The following ASCC3 variants were observed in gnomAD, a reference collection of about 807,000 sequenced individuals.
ASCC3 encodes the protein ASC-1 complex subunit P200.
In ASCC3, 158 loss-of-function variants were observed where a neutral mutation model predicts 256.3. The observed-to-expected ratio is 0.62, with a 90% CI of 0.54 to 0.70. The LOEUF (loss-of-function observed/expected upper bound fraction) is 0.70. Ranked by LOEUF, ASCC3 falls within the 30% of genes least tolerant of loss-of-function variation. The pLI is 0.00. For missense variants in ASCC3, 2,259 were observed against 2,626.0 expected (o/e 0.86, Z 3.05); for synonymous variants, 948 against 883.4 (o/e 1.07, Z -1.30).
chr6:100,557,727 G>C (rs1582444218), intron 36 of ASCC3, among the ~76,000 whole-genome samples: 2 of 151,676 alleles, frequency 1.3e-5, no homozygotes, highest in South Asian at 2.1e-4. Context: ...GTGGGTGGGG[G>C]GTAAGGATTG....
intron 13 of ASCC3, among the ~76,000 whole-genome samples, chr6:100,707,018 C>T (rs1383652265): frequency 6.6e-6 from 1 of 152,058 alleles, no homozygotes; most frequent in African/African-American, 2.4e-5. Flanking sequence ...AACTAGTGGA[C>T]CATAGTCCTG....
chr6:100,573,689 GTTA>G (rs1460003851), intron 36 of ASCC3, among the ~76,000 whole-genome samples: 2 of 151,928 alleles, frequency 1.3e-5, no homozygotes, highest in Non-Finnish European at 2.9e-5. Context: ...ATTCTACGTA[GTTA>G]TTATATCACT....
chr6:100,845,926 C>CT (rs769690478), intron 4 of ASCC3, among the ~76,000 whole-genome samples: 12 of 152,118 alleles, frequency 7.9e-5, no homozygotes, highest in Non-Finnish European at 1.6e-4. Context: ...GCTTTATATG[C>CT]TTTTCTTAGA....
At chr6:100,718,333 C>CAAA in intron 11 of ASCC3, 82 bp from the exon 12 acceptor site, 17 of 1,171,718 alleles carry the variant, frequency 1.5e-5, no homozygotes, top group Non-Finnish European at 1.9e-5. Context: ...ATTAATAGGA[C>CAAA]TTCTAAAAAC....
intron 36 of ASCC3, among the ~76,000 whole-genome samples, chr6:100,575,580 T>G (rs1770816645): frequency 6.6e-6 from 1 of 152,110 alleles, no homozygotes; most frequent in Admixed American, 6.6e-5. Context: ...TATTTACATT[T>G]AGACATGAAA....
At position 100,528,450 on chromosome 6, in the gene ASCC3, T is replaced by G. The variant is rs143430038; in HGVS notation, c.5776-10308A>C. 3.1e-3 allele frequency among the ~76,000 whole-genome samples: 467 copies of G among 152,312 alleles called. 2 individuals carry two copies. Among genetic ancestry groups the G allele is most frequent in the African/African-American group, 0.011 (445 of 41,592 alleles). ...TTATTTATGCAGCTGATTTATTTTT[T>G]TGGCTAGCACATATGACAATTGATA... On this transcript the variant is annotated intron_variant, in intron 37 of 41. Transcript: ENST00000369162.
chr6:100,572,591 T>C (rs1007572222), intron 36 of ASCC3, among the ~76,000 whole-genome samples: 3 of 152,130 alleles, frequency 2.0e-5, no homozygotes, highest in Non-Finnish European at 4.4e-5. Context: ...TTTTCAATTT[T>C]AAAAACTTAT....
At chr6:100,624,076 C>A (rs142311050) in intron 30 of ASCC3, among the ~76,000 whole-genome samples, 2,126 of 151,394 alleles carry the variant, frequency 0.014, 39 homozygotes, top group African/African-American at 0.049. Context: ...TGTAACTAAC[C>A]TGCACGTTGT....
intron 39 of ASCC3, among the ~76,000 whole-genome samples, chr6:100,514,542 T>C (rs2114607202): frequency 6.6e-6 from 1 of 152,140 alleles, no homozygotes; most frequent in East Asian, 1.9e-4. Context: ...TTTATATATA[T>C]GTAATTTTTG....
chr6:100,679,505 T>A, intron 14 of ASCC3, 113 bp downstream of exon 14: 1 of 1,487,902 alleles, frequency 6.7e-7, no homozygotes. Context: ...TATAACATCA[T>A]AAATCTGCAA....
At chr6:100,808,528 A>G (rs1212161675) in intron 4 of ASCC3, among the ~76,000 whole-genome samples, 1 of 151,950 alleles carries the variant, frequency 6.6e-6, no homozygotes, top group African/African-American at 2.4e-5. Flanking sequence ...AAAAATATAT[A>G]TCATAGCAGA....
chr6:100,714,191 A>G (rs567137434), intron 13 of ASCC3, among the ~76,000 whole-genome samples: 1 of 152,312 alleles, frequency 6.6e-6, no homozygotes, highest in Admixed American at 6.5e-5. Flanking sequence ...CAGAAAACAT[A>G]AGGCCCATAA....
chr6:100,800,476 AT>A lies in ASCC3; in HGVS notation c.950del (p.Asn317MetfsTer20). 2 of 1,611,250 alleles carry A rather than the reference AT, an allele frequency of 1.2e-6. No individual in the cohort carries two copies. On this transcript the variant is annotated frameshift_variant, in exon 6 of 42. Coordinates refer to ENST00000369162, the MANE Select transcript of ASCC3 (RefSeq NM_006828.4). LOFTEE classifies it high-confidence loss of function. ...QDNCKKILGE[N>X]AKPNYGCQVT... ...CTTGACAACCATAATTGGGTTTAGC[AT>A]TTTCTCCTAAAATTTTTTTACAATT...
chr6:100,516,386 G>A, intron 38 of ASCC3, 59 bp from the exon 39 acceptor site: 2 of 1,592,810 alleles, frequency 1.3e-6, no homozygotes, highest in Non-Finnish European at 1.7e-6. Context: ...AAGATTTTCT[G>A]ACAATGGTGG....
chr6:100,647,334 C>T lies in ASCC3; in HGVS notation c.3370G>A (p.Ala1124Thr), dbSNP rs144736180. 7.9e-5 allele frequency: 128 copies of T among 1,613,942 alleles called. 1 individual carries two copies. In the African/African-American group the frequency reaches 1.2e-3, roughly 15 times the overall value. ...KVIDKRLWGWASPLRQFSILP... is the reference protein window; with the variant it reads ...KVIDKRLWGWTSPLRQFSILP... The stretch of plus-strand genomic sequence containing the variant: ...ATTGAAAATTGTCTCAAAGGGCTAG[C>T]CCAACCCCAAAGCCTCTTGTCAATG... The change falls in exon 21 of 42, where the codon GCT becomes ACT. Residue 1124 changes from alanine (A) to threonine (T), a missense_variant. Ala to Thr is a moderately conservative substitution (Grantham distance 58). Coordinates refer to ENST00000369162, the MANE Select transcript of ASCC3 (RefSeq NM_006828.4).
In ASCC3 at chr6:100,624,119, TA is replaced by T. The variant is rs879365629; in HGVS notation, c.4785+1072del. On this transcript the variant is annotated intron_variant, in intron 30 of 41. Transcript: ENST00000369162. ...TACCCTAAAACTTAAAGTATAATAA[TA>T]AAAAAAAAGACACCATGAAAAAAAG... Among the ~76,000 whole-genome samples, 156 of 146,820 alleles carry T rather than the reference TA, an allele frequency of 1.1e-3. 1 individual carries two copies. Among genetic ancestry groups the T allele is most frequent in the Admixed American group, 4.3e-3 (64 of 14,752 alleles).
intron 10 of ASCC3, among the ~76,000 whole-genome samples, chr6:100,729,438 GAAC>G (rs1425337084): frequency 6.6e-6 from 1 of 152,108 alleles, no homozygotes; most frequent in Non-Finnish European, 1.5e-5. Context: ...CTTTAGTGAA[GAAC>G]AACTAGCTAG....
intron 13 of ASCC3, among the ~76,000 whole-genome samples, chr6:100,711,642 A>G (rs1205393141): frequency 6.6e-6 from 1 of 152,180 alleles, no homozygotes; most frequent in Non-Finnish European, 1.5e-5. Context: ...AAGTAAGAGA[A>G]TCACTTGAAC....
intron 36 of ASCC3, among the ~76,000 whole-genome samples, chr6:100,540,917 A>G (rs1418385328): frequency 2.0e-5 from 3 of 152,148 alleles, no homozygotes; most frequent in African/African-American, 4.8e-5. Context: ...AAGGGTAAAG[A>G]GCAGAATTAT....
Sources: allele counts gnomAD v4.1 joint callset (sites outside exome capture counted in the v4.1 genomes callset), GRCh38; gene constraint gnomAD v4.1.1; transcripts MANE v1.5; gene names NCBI Gene and HGNC (gene_info 2026-07-23, HGNC 2026-07-21).